The following PCDH17 variants were observed in gnomAD, a reference collection of about 807,000 sequenced individuals.
The protein encoded by PCDH17 is protocadherin 17, also known as protocadherin-17.
Under a neutral mutation model 67.7 loss-of-function variants are expected in PCDH17, and 21 were observed. That is an observed-to-expected ratio of 0.31 (90% CI 0.22 to 0.45). The LOEUF is 0.45. PCDH17 is among the 20% of genes least tolerant of loss of function. PCDH17 has a pLI of 1.00. For synonymous variants in PCDH17, 701 were observed against 656.7 expected (o/e 1.07, Z -1.03); for missense variants, 1,471 against 1,564.8 (o/e 0.94, Z 1.01).
chr13:57,693,030 T>C (rs976970175), intron 3 of PCDH17, among the ~76,000 whole-genome samples: 2 of 150,618 alleles, frequency 1.3e-5, no homozygotes, highest in African/African-American at 4.8e-5. Flanking sequence ...TTTCTCAGCT[T>C]TTCCATAGCC....
chr13:57,697,803 T>G (rs1049730459), intron 3 of PCDH17, among the ~76,000 whole-genome samples: 1 of 151,252 alleles, frequency 6.6e-6, no homozygotes, highest in Non-Finnish European at 1.5e-5. Flanking sequence ...CAAATGAAAG[T>G]TGGAAAAGGA....
At position 57,631,986 on chromosome 13, in the gene PCDH17, T is replaced by A. The variant is rs1002563331; in HGVS notation, c.-561T>A. ...CTGTCTTCGTTGCTCTTCATCCCCA[T>A]CAATTTCATCACGGGAGGCGAGCAG... On this transcript the variant is annotated 5_prime_UTR_variant, in exon 1 of 4. Transcript: ENST00000377918. The A allele has an allele frequency of 1.9e-5, 3 of 157,138 alleles. No homozygotes were observed. The highest frequency in any genetic ancestry group is 7.2e-5 in the African/African-American group (3 of 41,422). 9.7% of individuals were successfully genotyped at this position (157,138 alleles called of 1,614,324 possible).
In PCDH17 at chr13:57,703,075, A is replaced by T. The variant is rs148359021; in HGVS notation, c.2798-21537A>T. Among the ~76,000 whole-genome samples the T allele has an allele frequency of 9.0e-3, 1,368 of 152,260 alleles. 12 individuals are homozygous for T. The highest frequency in any genetic ancestry group is 0.02 in the South Asian group (94 of 4,816). ...TAAAATTTCACAAATGATGGAGTTAACTGGCTTCTGTAAATGTTCCCCACT... is the reference window on the plus strand; with the variant it reads ...TAAAATTTCACAAATGATGGAGTTATCTGGCTTCTGTAAATGTTCCCCACT... On this transcript the variant is annotated intron_variant, in intron 3 of 3. Transcript: ENST00000377918.
At chr13:57,677,177 A>AT (rs1425094793) in intron 3 of PCDH17, among the ~76,000 whole-genome samples, 1 of 151,844 alleles carries the variant, frequency 6.6e-6, no homozygotes, top group Non-Finnish European at 1.5e-5. Context: ...TAGAGCTTAC[A>AT]TTCCAGTGAG....
intron 3 of PCDH17, among the ~76,000 whole-genome samples, chr13:57,719,718 A>T (rs1955857430): frequency 6.6e-6 from 1 of 152,142 alleles, no homozygotes; most frequent in Admixed American, 6.6e-5. Context: ...TAGAATAAAG[A>T]GGTAGATTCT....
intron 3 of PCDH17, among the ~76,000 whole-genome samples, chr13:57,716,046 GCCT>G (rs1955813957): frequency 6.6e-6 from 1 of 151,922 alleles, no homozygotes; most frequent in African/African-American, 2.4e-5. Flanking sequence ...GGGCTGGAAT[GCCT>G]ATTCCAGTGA....
rs1160403026 is a variant in PCDH17, at chr13:57,725,290, AGTG to A, written c.3477_3479del (p.Ter1160delextTer15). On this transcript the variant is annotated stop_lost and inframe_deletion, in exon 4 of 4. Coordinates refer to ENST00000377918, the MANE Select transcript of PCDH17 (RefSeq NM_001040429.3). ...GGAAACGACCCTGTGGCTGTGAGAAAGTGAAAAAAGAAAAAAAAAAAGGCATTG... is the reference window on the plus strand; with the variant it reads ...GGAAACGACCCTGTGGCTGTGAGAAAAAAAAAGAAAAAAAAAAAGGCATTG... 1.1e-5 allele frequency: 17 copies of A among 1,541,800 alleles called. No individual in the cohort carries two copies. The highest frequency in any genetic ancestry group is 6.1e-5 in the Admixed American group (3 of 48,866).
At chr13:57,700,923 G>A (rs562270994) in intron 3 of PCDH17, among the ~76,000 whole-genome samples, 26 of 152,106 alleles carry the variant, frequency 1.7e-4, no homozygotes, top group Non-Finnish European at 2.8e-4. Context: ...CAACTACGTC[G>A]GAGGTTGAGG....
chr13:57,702,345 C>T (rs1955674738), intron 3 of PCDH17, among the ~76,000 whole-genome samples: 1 of 152,092 alleles, frequency 6.6e-6, no homozygotes, highest in African/African-American at 2.4e-5. Flanking sequence ...CCGAGCCCTA[C>T]TTGGCATCAT....
rs745877167 is a variant in PCDH17 at position 57,633,639 on chromosome 13, G to T, written c.1093G>T (p.Ala365Ser). The T allele has an allele frequency of 2.5e-6, 4 of 1,608,760 alleles. No homozygotes were observed. The highest frequency in any genetic ancestry group is 4.5e-5 in the East Asian group (2 of 44,854). ...SVRQGALSEA[A>S]PPGTVIALVR... ...GCGCCAGGGGGCGCTGAGCGAGGCC[G>T]CCCCTCCCGGCACCGTCATCGCCCT... The change falls in exon 1 of 4, where the codon GCC becomes TCC. Residue 365 changes from alanine to serine, a missense_variant. Coordinates refer to ENST00000377918, the MANE Select transcript of PCDH17 (RefSeq NM_001040429.3). The surrounding 1 kb of genome is among the most constrained non-coding windows in gnomAD (Gnocchi z 6.2).
At position 57,658,436 on chromosome 13, in the gene PCDH17, A is replaced by C. The variant is rs1227669346; in HGVS notation, c.2566-8032A>C. Among the ~76,000 whole-genome samples the C allele has an allele frequency of 2.0e-5, 3 of 152,106 alleles. 1 individual carries two copies. Among genetic ancestry groups the C allele is most frequent in the Admixed American group, 2.0e-4 (3 of 15,278 alleles). On this transcript the variant is annotated intron_variant, in intron 1 of 3. Transcript: ENST00000377918. ...TTTTACATTCCTGAACATATTTTTAATATTTCTGATCGATTTTTAAAGGTC... is the reference window on the plus strand; with the variant it reads ...TTTTACATTCCTGAACATATTTTTACTATTTCTGATCGATTTTTAAAGGTC...
intron 1 of PCDH17, among the ~76,000 whole-genome samples, chr13:57,648,570 A>G (rs1219206248): frequency 6.6e-6 from 1 of 152,026 alleles, no homozygotes; most frequent in African/African-American, 2.4e-5. Context: ...GGGCAAGTGT[A>G]TATTTGACAA....
intron 1 of PCDH17, among the ~76,000 whole-genome samples, chr13:57,636,694 C>T (rs950781759): frequency 1.3e-5 from 2 of 152,050 alleles, no homozygotes; most frequent in African/African-American, 4.8e-5. Context: ...CTGTGTAAAA[C>T]TGGTATTTAT....
intron 3 of PCDH17, among the ~76,000 whole-genome samples, chr13:57,699,037 T>G (rs1955637863): frequency 6.6e-6 from 1 of 151,920 alleles, no homozygotes; most frequent in African/African-American, 2.4e-5. Flanking sequence ...AGGCACAGAT[T>G]TGAAGTATTA....
intron 1 of PCDH17, among the ~76,000 whole-genome samples, chr13:57,660,855 A>G (rs1955173595): frequency 6.6e-6 from 1 of 152,200 alleles, no homozygotes; most frequent in Admixed American, 6.5e-5. Context: ...TTGTTACAAC[A>G]GTAGTCCATT....
chr13:57,720,587 G>A (rs1566248408), intron 3 of PCDH17, among the ~76,000 whole-genome samples: 1 of 151,866 alleles, frequency 6.6e-6, no homozygotes, highest in Non-Finnish European at 1.5e-5. Context: ...TGATTCACCT[G>A]TATTTCTCTT....
chr13:57,658,964 C>G (rs1371924478), intron 1 of PCDH17, among the ~76,000 whole-genome samples: 1 of 152,054 alleles, frequency 6.6e-6, no homozygotes, highest in Non-Finnish European at 1.5e-5. Flanking sequence ...CCTGTGTCTC[C>G]GCACCAATCA....
At chr13:57,666,967 G>A in intron 3 of PCDH17, 134 bp downstream of exon 3, 2 of 675,586 alleles carry the variant, frequency 3.0e-6, no homozygotes, top group Admixed American at 3.9e-5. Flanking sequence ...AAATCTTGAG[G>A]TTGCCCCAGA....
At chr13:57,698,700 T>A (rs559232140) in intron 3 of PCDH17, among the ~76,000 whole-genome samples, 1 of 152,068 alleles carries the variant, frequency 6.6e-6, no homozygotes, top group African/African-American at 2.4e-5. Context: ...TGAAGCTGAT[T>A]CATTCAGGTC....
Sources: allele counts gnomAD v4.1 joint callset (sites outside exome capture counted in the v4.1 genomes callset), GRCh38; gene constraint gnomAD v4.1.1; non-coding constraint Gnocchi (gnomAD v3.1); transcripts MANE v1.5; gene names NCBI Gene and HGNC (gene_info 2026-07-23, HGNC 2026-07-21).